MTHFD2L: variants seen among roughly 807,000 people sequenced by gnomAD.
MTHFD2L encodes bifunctional methylenetetrahydrofolate dehydrogenase/cyclohydrolase 2, mitochondrial.
A neutral mutation model predicts 34.9 loss-of-function variants in MTHFD2L; 29 were observed. That is an observed-to-expected ratio of 0.83 (90% confidence interval 0.62 to 1.13). The LOEUF is 1.13. MTHFD2L is among the 50% of genes most tolerant of loss of function. The pLI is 0.00. For missense variants in MTHFD2L, 481 were observed against 446.5 expected (o/e 1.08, Z -0.70); for synonymous variants, 167 against 155.7 (o/e 1.07, Z -0.54).
At chr4:74,119,555 G>A (rs1033985007), upstream of MTHFD2L, among the ~76,000 whole-genome samples, 21 of 152,236 alleles carry the variant, frequency 1.4e-4, no homozygotes, top group South Asian at 4.1e-4. Context: ...AGGCCGAGGC[G>A]GGCGGATCAC....
intron 6 of MTHFD2L, among the ~76,000 whole-genome samples, chr4:74,229,736 A>G (rs778855749): frequency 2.6e-4 from 39 of 152,180 alleles, no homozygotes; most frequent in Non-Finnish European, 5.1e-4. Flanking sequence ...ATTGAGATTT[A>G]GACTCAGTTA....
At chr4:74,133,398 T>G (rs1252447981) in intron 1 of MTHFD2L, among the ~76,000 whole-genome samples, 1 of 152,172 alleles carries the variant, frequency 6.6e-6, no homozygotes, top group Non-Finnish European at 1.5e-5. Context: ...TAGGATAAGC[T>G]TTTCTCCCCT....
intron 1 of MTHFD2L, among the ~76,000 whole-genome samples, chr4:74,164,032 C>A (rs376670132): frequency 6.6e-6 from 1 of 152,078 alleles, no homozygotes; most frequent in African/African-American, 2.4e-5. Flanking sequence ...CCCGCCACCA[C>A]GCCCGGCTAA....
chr4:74,278,888 T>A (rs1217196215), intron 6 of MTHFD2L, among the ~76,000 whole-genome samples: 2 of 152,080 alleles, frequency 1.3e-5, no homozygotes, highest in East Asian at 3.9e-4. Context: ...TTGAACATGG[T>A]ATTGACAAAT....
At chr4:74,154,688 A>G (rs149129088), upstream of MTHFD2L, among the ~76,000 whole-genome samples, 1 of 152,084 alleles carries the variant, frequency 6.6e-6, no homozygotes, top group African/African-American at 2.4e-5. Flanking sequence ...ATCATCTAAT[A>G]TATTTCCTGA....
chr4:74,244,810 A>G (rs1742185303), intron 6 of MTHFD2L, among the ~76,000 whole-genome samples: 1 of 152,176 alleles, frequency 6.6e-6, no homozygotes, highest in Non-Finnish European at 1.5e-5. Flanking sequence ...TCAAAGAAAG[A>G]TATCCACAAT....
rs146911312 is a variant in MTHFD2L, at chr4:74,272,307, C to G, written c.806-9118C>G. On this transcript the variant is annotated intron_variant, in intron 6 of 7. Coordinates refer to ENST00000325278, the MANE Select transcript of MTHFD2L (RefSeq NM_001144978.3). ...TTTAGGAGTTATTGGAAATGCCCACCACCTGCATAGTATGTTTATTCCAAG... is the reference window on the plus strand; with the variant it reads ...TTTAGGAGTTATTGGAAATGCCCACGACCTGCATAGTATGTTTATTCCAAG... 1.9e-3 allele frequency among the ~76,000 whole-genome samples: 285 copies of G among 152,180 alleles called. 1 individual carries two copies. Among genetic ancestry groups the G allele is most frequent in the African/African-American group, 6.5e-3 (268 of 41,534 alleles).
At chr4:74,236,252 A>G (rs749130487) in intron 6 of MTHFD2L, among the ~76,000 whole-genome samples, 1 of 152,190 alleles carries the variant, frequency 6.6e-6, no homozygotes. Flanking sequence ...TGGTTTTAGT[A>G]ACTCTGGATT....
intron 6 of MTHFD2L, among the ~76,000 whole-genome samples, chr4:74,279,713 C>CT (rs903315840): frequency 9.2e-5 from 14 of 152,134 alleles, no homozygotes; most frequent in African/African-American, 3.1e-4. Flanking sequence ...TGTATGTCTT[C>CT]TTTTTCTATT....
At chr4:74,273,878 T>C (rs112077052) in intron 6 of MTHFD2L, among the ~76,000 whole-genome samples, 5 of 152,106 alleles carry the variant, frequency 3.3e-5, no homozygotes, top group Non-Finnish European at 7.4e-5. Flanking sequence ...ATAGTAAAGT[T>C]TGGAGAGATT....
chr4:74,221,770 CAT>C (rs1313714750), intron 5 of MTHFD2L, among the ~76,000 whole-genome samples: 9 of 149,552 alleles, frequency 6.0e-5, no homozygotes, highest in African/African-American at 1.8e-4. Flanking sequence ...GTAAAACTAT[CAT>C]ATTATTTTCT....
At chr4:74,211,833 T>C (rs1736378295) in intron 5 of MTHFD2L, among the ~76,000 whole-genome samples, 2 of 152,164 alleles carry the variant, frequency 1.3e-5, no homozygotes, top group Middle Eastern at 3.4e-3. Flanking sequence ...TTTGGGTTGG[T>C]AGGCTATTAA....
chr4:74,257,454 G>T (rs1744166679), intron 6 of MTHFD2L, among the ~76,000 whole-genome samples: 1 of 152,080 alleles, frequency 6.6e-6, no homozygotes, highest in Non-Finnish European at 1.5e-5. Flanking sequence ...CATGAAAATT[G>T]TACCCAAAAG....
upstream of MTHFD2L, among the ~76,000 whole-genome samples, chr4:74,155,251 T>A (rs1192487526): frequency 6.6e-6 from 1 of 152,190 alleles, no homozygotes; most frequent in African/African-American, 2.4e-5. Context: ...TTAGATTATC[T>A]TGTCACAACC....
At chr4:74,137,592 T>C (rs1468287577) in intron 1 of MTHFD2L, among the ~76,000 whole-genome samples, 3 of 152,168 alleles carry the variant, frequency 2.0e-5, no homozygotes, top group African/African-American at 7.2e-5. Context: ...CCATATGATC[T>C]AGCTATTTCA....
At chr4:74,287,601 G>T (rs1004183059) in intron 7 of MTHFD2L, among the ~76,000 whole-genome samples, 1 of 152,062 alleles carries the variant, frequency 6.6e-6, no homozygotes, top group Admixed American at 6.6e-5. Context: ...ACAAAAATTC[G>T]CTAGGTGTGG....
intron 5 of MTHFD2L, among the ~76,000 whole-genome samples, chr4:74,218,619 C>A (rs745533872): frequency 1.3e-5 from 2 of 151,308 alleles, no homozygotes; most frequent in Non-Finnish European, 2.9e-5. Context: ...TTCAAGCCCC[C>A]CCCCCACCAC....
intron 1 of MTHFD2L, among the ~76,000 whole-genome samples, chr4:74,164,699 T>G (rs1726279288): frequency 6.6e-6 from 1 of 152,240 alleles, no homozygotes; most frequent in African/African-American, 2.4e-5. Context: ...CTAAGTGACT[T>G]GCCTAACTTT....
chr4:74,142,677 A>G (rs917952912), intron 1 of MTHFD2L, among the ~76,000 whole-genome samples: 9 of 152,224 alleles, frequency 5.9e-5, no homozygotes, highest in African/African-American at 2.2e-4. Context: ...GTATCAAGAT[A>G]ACAACATACT....
Sources: allele counts gnomAD v4.1 joint callset (sites outside exome capture counted in the v4.1 genomes callset), GRCh38; gene constraint gnomAD v4.1.1; transcripts MANE v1.5; gene names NCBI Gene and HGNC (gene_info 2026-07-23, HGNC 2026-07-21).